Variants in ARHGAP39 observed in about 807,000 individuals in gnomAD.
ARHGAP39 encodes Rho GTPase activating protein 39, also known as rho GTPase-activating protein 39.
Under a neutral mutation model 106.9 loss-of-function variants are expected in ARHGAP39, and 44 were observed. The observed-to-expected ratio is 0.41, with a 90% confidence interval of 0.32 to 0.53. The LOEUF is 0.53. ARHGAP39 is among the 20% of genes least tolerant of loss of function. ARHGAP39 has a pLI of 0.21. For missense variants in ARHGAP39, 1,496 were observed against 1,577.3 expected, an observed-to-expected ratio of 0.95 and a Z score of 0.87; for synonymous variants, 768 against 693.2, an observed-to-expected ratio of 1.11 and a Z score of -1.69.
Position 144,585,474 on chromosome 8 carries a change from A to G in ARHGAP39, c.81-4197T>C, listed in dbSNP as rs1460079663. 6.6e-6 allele frequency among the ~76,000 whole-genome samples: 1 copy of G among 150,834 alleles called. No homozygotes were observed. The highest frequency in any genetic ancestry group is 2.0e-4 in the East Asian group (1 of 5,098). On this transcript the variant is annotated intron_variant, in intron 2 of 11. Transcript: ENST00000377307. This position sits in a 1 kb window ranked among gnomAD's most constrained non-coding sequence, Gnocchi z 4.6. ...CTGGAGGGGCCAGCCAAGGGTTCCCAGCACTGGCTTCCCCTCGTGCACTCT... is the reference window on the plus strand; with the variant it reads ...CTGGAGGGGCCAGCCAAGGGTTCCCGGCACTGGCTTCCCCTCGTGCACTCT...
chr8:144,688,768 G>A (rs747220571), upstream of ARHGAP39, among the ~76,000 whole-genome samples: 12 of 152,172 alleles, frequency 7.9e-5, no homozygotes, highest in Non-Finnish European at 1.2e-4. Flanking sequence ...TAGCACGCTC[G>A]TGGACCAGGT....
intron 3 of ARHGAP39, among the ~76,000 whole-genome samples, chr8:144,570,991 T>C (rs948471860): frequency 1.1e-4 from 17 of 152,168 alleles, no homozygotes; most frequent in African/African-American, 4.1e-4. Context: ...CAATAATTAA[T>C]AGCCTACCAA....
chr8:144,700,081 C>G, the ARHGAP39 span, among the ~76,000 whole-genome samples: 9 of 152,218 alleles, frequency 5.9e-5, no homozygotes, highest in African/African-American at 1.9e-4. The surrounding 1 kb of genome is among the most constrained non-coding windows in gnomAD (Gnocchi z 5.6). Context: ...GGCCGCTCCC[C>G]GTTCCCTGTC....
At chr8:144,554,903 C>T (rs1296041856) in intron 4 of ARHGAP39, among the ~76,000 whole-genome samples, 5 of 152,244 alleles carry the variant, frequency 3.3e-5, no homozygotes, top group African/African-American at 1.2e-4. Context: ...TCCAGTTCCT[C>T]CCCAGCACCA....
Position 144,548,175 on chromosome 8 carries a change from G to C in ARHGAP39, c.911C>G (p.Pro304Arg), listed in dbSNP as rs1021189843. The change falls in exon 5 of 12, where the codon CCG (proline) becomes CGG (arginine). Residue 304 changes from proline to arginine, a missense_variant. Physicochemically the swap from Pro to Arg is moderately radical, Grantham distance 103. Transcript: ENST00000377307. This position sits in a 1 kb window ranked among gnomAD's most constrained non-coding sequence, Gnocchi z 7.4. The part of the protein sequence containing the change: ...KPSGDSQPSS[P>R]RYGYEPPLYE... The stretch of plus-strand genomic sequence containing the variant: ...GAGCGGGGGTTCATAGCCATAGCGC[G>C]GGGAGGAGGGCTGCGAGTCCCCGGA... The C allele has an allele frequency of 7.6e-6, 12 of 1,578,034 alleles. No homozygotes were observed. Among genetic ancestry groups the C allele is most frequent in the Non-Finnish European group, 1.0e-5 (12 of 1,161,056 alleles).
At chr8:144,575,444 G>A (rs1202375545) in intron 3 of ARHGAP39, among the ~76,000 whole-genome samples, 1 of 151,962 alleles carries the variant, frequency 6.6e-6, no homozygotes, top group Non-Finnish European at 1.5e-5. Context: ...TATTCTATAA[G>A]CTTTTTTAAT....
intron 4 of ARHGAP39, among the ~76,000 whole-genome samples, chr8:144,554,000 G>A (rs1817820631): frequency 6.6e-6 from 1 of 152,252 alleles, no homozygotes; most frequent in Non-Finnish European, 1.5e-5. Context: ...CGGGGGGCCT[G>A]GCCAGCACAT....
chr8:144,560,674 T>C (rs1818108805), intron 3 of ARHGAP39, among the ~76,000 whole-genome samples: 1 of 152,220 alleles, frequency 6.6e-6, no homozygotes, highest in Admixed American at 6.5e-5. Flanking sequence ...TTCAATGTTA[T>C]GCTCTCGAGG....
At chr8:144,601,510 A>ATG (rs1491167530) in intron 2 of ARHGAP39, among the ~76,000 whole-genome samples, 1 of 48,490 alleles carries the variant, frequency 2.1e-5, no homozygotes, top group Non-Finnish European at 3.9e-5. Context: ...GCGTGGAGGC[A>ATG]TGTGTGTGCT....
intron 1 of ARHGAP39, among the ~76,000 whole-genome samples, chr8:144,619,560 G>A (rs907058443): frequency 6.6e-6 from 1 of 151,842 alleles, no homozygotes; most frequent in Non-Finnish European, 1.5e-5. Flanking sequence ...CCGAGACAGC[G>A]TGAGTACCCG....
At chr8:144,698,196 A>G in the ARHGAP39 span, among the ~76,000 whole-genome samples, 1 of 152,082 alleles carries the variant, frequency 6.6e-6, no homozygotes, top group Non-Finnish European at 1.5e-5. Flanking sequence ...TGGTTGTTTA[A>G]ACAAGCCTGG....
At chr8:144,553,070 C>A (rs1455773449) in intron 4 of ARHGAP39, among the ~76,000 whole-genome samples, 1 of 152,220 alleles carries the variant, frequency 6.6e-6, no homozygotes. Flanking sequence ...GAAGCACCCG[C>A]ATGGCTGTGG....
chr8:144,580,717 C>G, intron 3 of ARHGAP39, 129 bp downstream of exon 3: 1 of 1,222,078 alleles, frequency 8.2e-7, no homozygotes, highest in East Asian at 2.7e-5. Context: ...TACTCCTAAC[C>G]TGGCCCCGCC....
chr8:144,573,724 T>A (rs1157829754), intron 3 of ARHGAP39, among the ~76,000 whole-genome samples: 1 of 152,110 alleles, frequency 6.6e-6, no homozygotes, highest in Non-Finnish European at 1.5e-5. Context: ...AGTCATAAAA[T>A]CATTTACAAA....
At chr8:144,666,518 C>T (rs567259429) in intron 1 of ARHGAP39, among the ~76,000 whole-genome samples, 104 of 152,184 alleles carry the variant, frequency 6.8e-4, no homozygotes, top group African/African-American at 2.5e-3. Flanking sequence ...GGGAGGTACT[C>T]GAATCATGGG....
At position 144,565,321 on chromosome 8, in the gene ARHGAP39, C is replaced by T. The variant is rs149239274; in HGVS notation, c.513-9678G>A. 1.6e-4 allele frequency among the ~76,000 whole-genome samples: 25 copies of T among 151,880 alleles called. No individual in the cohort carries two copies. The East Asian group carries it at 3.3e-3, about 20-fold the overall frequency. ...CCACCACTAGAAAGAAAAAACGCTT[C>T]GTGAATTTGAAAGCACAACAACAGA... On this transcript the variant is annotated intron_variant, in intron 3 of 11. Coordinates refer to ENST00000377307, the MANE Select transcript of ARHGAP39 (RefSeq NM_025251.3).
At chr8:144,578,430 C>T (rs1259809006) in intron 3 of ARHGAP39, among the ~76,000 whole-genome samples, 2 of 152,164 alleles carry the variant, frequency 1.3e-5, no homozygotes, top group East Asian at 1.9e-4. Context: ...GGTTCTGCCA[C>T]GTTGGACAAG....
chr8:144,624,424 C>T (rs1204653613), intron 1 of ARHGAP39, among the ~76,000 whole-genome samples: 1 of 152,260 alleles, frequency 6.6e-6, no homozygotes, highest in African/African-American at 2.4e-5. Context: ...CACATCATTT[C>T]TCTCTGATCA....
intron 2 of ARHGAP39, among the ~76,000 whole-genome samples, chr8:144,581,933 G>C (rs1586577216): frequency 1.3e-5 from 2 of 152,312 alleles, no homozygotes; most frequent in African/African-American, 2.4e-5. Flanking sequence ...GAGGCACCAA[G>C]AGCCTCTCAG....
Sources: allele counts gnomAD v4.1 joint callset (sites outside exome capture counted in the v4.1 genomes callset), GRCh38; gene constraint gnomAD v4.1.1; non-coding constraint Gnocchi (gnomAD v3.1); transcripts MANE v1.5; gene names NCBI Gene and HGNC (gene_info 2026-07-23, HGNC 2026-07-21).